Variants in DNAH11 observed in about 807,000 individuals in gnomAD.
DNAH11 encodes the protein dynein axonemal heavy chain 11, also known as axonemal beta dynein heavy chain 11.
A neutral mutation model predicts 526.0 loss-of-function variants in DNAH11; 442 were observed. The ratio of observed to expected loss-of-function variants is 0.84; its 90% confidence interval spans 0.78 to 0.91. DNAH11 has a LOEUF of 0.91. Ranked by LOEUF, DNAH11 falls within the 40% of genes least tolerant of loss-of-function variation. DNAH11 has a pLI of 0.00. For missense variants in DNAH11, 6,989 were observed against 5,448.7 expected, an observed-to-expected ratio of 1.28 and a Z score of -8.90; for synonymous variants, 2,461 against 1,935.9, an observed-to-expected ratio of 1.27 and a Z score of -7.12.
At chr7:21,689,856 G>A (rs1036745039) in intron 34 of DNAH11, among the ~76,000 whole-genome samples, 4 of 152,026 alleles carry the variant, frequency 2.6e-5, no homozygotes, top group South Asian at 2.1e-4. Flanking sequence ...ATTTTGTCTC[G>A]TTTACCCTCA....
At chr7:21,711,979 T>C in intron 42 of DNAH11, 119 bp downstream of exon 42, 1 of 1,203,342 alleles carries the variant, frequency 8.3e-7, no homozygotes, top group Non-Finnish European at 1.2e-6. Flanking sequence ...CATCCATCTC[T>C]GGAAGGATTT....
At position 21,901,412 on chromosome 7, in the gene DNAH11, C is replaced by T. The variant is rs1784838598; in HGVS notation, c.*158C>T. 6 of 1,074,212 alleles carry T rather than the reference C, an allele frequency of 5.6e-6. No homozygotes were observed. The highest frequency in any genetic ancestry group is 7.4e-6 in the Non-Finnish European group (6 of 810,318). The allele number at this position is 1,074,212 out of a possible 1,614,324, so 66.5% of individuals were successfully genotyped here. A position where few individuals can be genotyped will look rare whatever the true frequency, so the allele number is the denominator to read the frequency against. ...TTAGAGTGAAAGTCAGAAAAAAATACTAGAAACTAACTCAGGGCTGAGCGT... is the reference window on the plus strand; with the variant it reads ...TTAGAGTGAAAGTCAGAAAAAAATATTAGAAACTAACTCAGGGCTGAGCGT... On this transcript the variant is annotated 3_prime_UTR_variant, in exon 82 of 82. Transcript: ENST00000409508.
intron 65 of DNAH11, among the ~76,000 whole-genome samples, chr7:21,824,053 A>G (rs1206502707): frequency 2.0e-5 from 3 of 152,208 alleles, no homozygotes; most frequent in Non-Finnish European, 4.4e-5. Context: ...ATTTGTTAAA[A>G]TTAATAAACA....
At chr7:21,562,390 T>C (rs369804445) in intron 5 of DNAH11, among the ~76,000 whole-genome samples, 1 of 152,232 alleles carries the variant, frequency 6.6e-6, no homozygotes, top group Non-Finnish European at 1.5e-5. Flanking sequence ...TAGCATATTA[T>C]ACACTATGCA....
At chr7:21,615,354 T>C in intron 21 of DNAH11, 82 bp downstream of exon 21, 1 of 1,484,402 alleles carries the variant, frequency 6.7e-7, no homozygotes, top group African/African-American at 1.4e-5. Flanking sequence ...ATTATTCTAT[T>C]TGGGTTTTAT....
intron 66 of DNAH11, among the ~76,000 whole-genome samples, chr7:21,852,000 G>A (rs757022686): frequency 2.0e-5 from 3 of 152,022 alleles, no homozygotes; most frequent in Non-Finnish European, 2.9e-5. Context: ...CATACCTTCT[G>A]AAGTTTTTTA....
At chr7:21,819,021 A>G (rs980188814) in intron 65 of DNAH11, among the ~76,000 whole-genome samples, 1 of 152,034 alleles carries the variant, frequency 6.6e-6, no homozygotes, top group Non-Finnish European at 1.5e-5. Flanking sequence ...TTTCCTATGA[A>G]TGTGTGAAAG....
intron 28 of DNAH11, among the ~76,000 whole-genome samples, chr7:21,642,258 T>C (rs1264282041): frequency 8.0e-6 from 1 of 124,258 alleles, no homozygotes; most frequent in Non-Finnish European, 1.5e-5. Context: ...AGGTCTATCA[T>C]TAGAAGTGTT....
intron 5 of DNAH11, among the ~76,000 whole-genome samples, chr7:21,563,849 A>G (rs1258034576): frequency 6.6e-6 from 1 of 152,202 alleles, no homozygotes; most frequent in Non-Finnish European, 1.5e-5. Flanking sequence ...AAGTGACAAC[A>G]TTGCAGAGAG....
chr7:21,564,040 T>TCA, intron 5 of DNAH11, 146 bp from the exon 6 acceptor site: 1 of 532,632 alleles, frequency 1.9e-6, no homozygotes, highest in Non-Finnish European at 3.2e-6. Context: ...GTGTGTAGAT[T>TCA]GTAGGATAAG....
intron 49 of DNAH11, among the ~76,000 whole-genome samples, chr7:21,742,532 A>G (rs1583650145): frequency 1.3e-5 from 2 of 152,126 alleles, no homozygotes; most frequent in East Asian, 3.9e-4. Context: ...GGTGCTAACC[A>G]TTGATGAAGG....
intron 18 of DNAH11, among the ~76,000 whole-genome samples, chr7:21,602,557 TTGTGTGTG>T (rs60703018): frequency 0.017 from 2,583 of 149,088 alleles, 54 homozygotes; most frequent in South Asian, 0.067. Context: ...ATTTTATAGA[TTGTGTGTG>T]TGTGTGTGTG....
intron 45 of DNAH11, among the ~76,000 whole-genome samples, chr7:21,734,851 C>T (rs1181617342): frequency 6.6e-6 from 1 of 150,748 alleles, no homozygotes; most frequent in Non-Finnish European, 1.5e-5. Context: ...GAGTGAGACC[C>T]TGTCTCAAAA....
chr7:21,774,076 C>A, intron 56 of DNAH11, 77 bp downstream of exon 56: 2 of 1,276,540 alleles, frequency 1.6e-6, no homozygotes, highest in Non-Finnish European at 1.1e-6. Flanking sequence ...TGAAGCACTA[C>A]TAAATCCATT....
In DNAH11 at chr7:21,797,218, C is replaced by CT. The variant is rs796088129; in HGVS notation, c.10027-3907dup. On this transcript the variant is annotated intron_variant, in intron 61 of 81. Coordinates refer to ENST00000409508, the MANE Select transcript of DNAH11 (RefSeq NM_001277115.2). The stretch of plus-strand genomic sequence containing the variant: ...TTGATGATTATATATTTGCTTTGAA[C>CT]TTTTTTTTTTTTCCTTTTGAGACAG... 1.2e-3 allele frequency among the ~76,000 whole-genome samples: 170 copies of CT among 146,990 alleles called. 1 individual carries two copies. Among genetic ancestry groups the CT allele is most frequent in the Middle Eastern group, 3.6e-3 (1 of 280 alleles).
chr7:21,622,254 A>G (rs999973513), intron 25 of DNAH11, among the ~76,000 whole-genome samples: 1 of 152,156 alleles, frequency 6.6e-6, no homozygotes, highest in Non-Finnish European at 1.5e-5. Context: ...TAGGAATCCA[A>G]CTTACAAGGG....
chr7:21,892,276 A>G, intron 76 of DNAH11, 149 bp from the exon 77 acceptor site: 1 of 1,130,178 alleles, frequency 8.8e-7, no homozygotes, highest in Non-Finnish European at 1.2e-6. Flanking sequence ...ATAGAGCAAA[A>G]TTGTTGATTA....
At position 21,901,198 on chromosome 7, in the gene DNAH11, G is replaced by T; in HGVS notation, c.13495G>T (p.Glu4499Ter). 2 of 1,613,662 alleles carry T rather than the reference G, an allele frequency of 1.2e-6. No individual in the cohort carries two copies. The highest frequency in any genetic ancestry group is 1.7e-6 in the Non-Finnish European group (2 of 1,179,758). The change falls in exon 82 of 82, where the codon GAA becomes TAA. Residue 4499 changes from glutamate to a stop codon, truncating the protein, a stop_gained. Transcript: ENST00000409508. LOFTEE classifies it high-confidence loss of function. Reference sequence around the variant, plus strand: ...CATCTGGACCTTCAGGCTGAAGAGCGAAGAGAAGACTGCAAAATGGGTTCT... The same window carrying T: ...CATCTGGACCTTCAGGCTGAAGAGCTAAGAGAAGACTGCAAAATGGGTTCT... The part of the protein sequence containing the change: ...SYIWTFRLKS[E>*]EKTAKWVLAG...
chr7:21,698,212 A>G lies in DNAH11; in HGVS notation c.6179A>G (p.Gln2060Arg), dbSNP rs1271115705. ...YTLCKELLSKQDHYDWGLRAI... is the reference protein window; with the variant it reads ...YTLCKELLSKRDHYDWGLRAI... ...CTTTGCAAGGAGCTTCTCTCCAAGC[A>G]GGTGAGGGATCATTTGTTACGTTTT... is the stretch of plus-strand genomic sequence containing the variant. The change falls in exon 36 of 82, where the codon CAG becomes CGG. Residue 2060 changes from glutamine to arginine, a missense_variant and splice_region_variant. Transcript: ENST00000409508. 6.2e-7 allele frequency: 1 copy of G among 1,613,318 alleles called. No individual in the cohort carries two copies. Among genetic ancestry groups the G allele is most frequent in the African/African-American group, 1.3e-5 (1 of 75,038 alleles).
Sources: gnomAD v4.1 joint callset for allele counts (sites outside exome capture counted in the v4.1 genomes callset) on GRCh38, gnomAD v4.1.1 for gene constraint, MANE v1.5 for transcripts, NCBI Gene and HGNC (gene_info 2026-07-23, HGNC 2026-07-21) for gene names.